ZNF816: variants seen among roughly 807,000 people sequenced by gnomAD.
ZNF816 encodes the protein zinc finger protein 816.
A neutral mutation model predicts 8.3 loss-of-function variants in ZNF816; 11 were observed. The observed-to-expected ratio is 1.32, with a 90% CI of 0.83 to 2.19. The LOEUF is 2.19. Ranked by LOEUF, ZNF816 falls within the 30% of genes most tolerant of loss-of-function variation. The probability of loss-of-function intolerance (pLI) is 0.00; values close to 1 mark genes in which losing one functional copy is unlikely to be tolerated. For missense variants in ZNF816, 710 were observed against 779.3 expected, an observed-to-expected ratio of 0.91 and a Z score of 1.06; for synonymous variants, 255 against 254.5, an observed-to-expected ratio of 1.00 and a Z score of -0.02.
chr19:52,956,214 C>T, intron 1 of ZNF816, 110 bp from the exon 2 acceptor site: 1 of 1,203,474 alleles, frequency 8.3e-7, no homozygotes, highest in Non-Finnish European at 1.2e-6. Flanking sequence ...TGGTCCTTTG[C>T]TACCCACTGC....
Position 52,950,907 on chromosome 19 carries a change from A to G in ZNF816, c.868T>C (p.Cys290Arg). ...TGEKTYKCNE[C>R]GKTFTQMSSL... ...GACATCTGAGTGAAGGTCTTCCCACACTCATTACACTTGTAAGTTTTCTCA... is the reference window on the plus strand; with the variant it reads ...GACATCTGAGTGAAGGTCTTCCCACGCTCATTACACTTGTAAGTTTTCTCA... The change falls in exon 4 of 4, where the codon TGT becomes CGT. Residue 290 changes from cysteine to arginine, a missense_variant. Physicochemically the swap from Cys to Arg is radical, Grantham distance 180. Transcript: ENST00000444460. The G allele has an allele frequency of 6.2e-7, 1 of 1,614,172 alleles. No individual in the cohort carries two copies. The highest frequency in any genetic ancestry group is 8.5e-7 in the Non-Finnish European group (1 of 1,180,018).
intron 3 of ZNF816, 128 bp downstream of exon 3, chr19:52,952,623 C>G: frequency 6.5e-7 from 1 of 1,534,364 alleles, no homozygotes; most frequent in Non-Finnish European, 8.7e-7. Context: ...AGGGTCATCA[C>G]CGCAGAAAAC....
At position 52,957,673 on chromosome 19, in the gene ZNF816, A is replaced by G. The variant is rs553036773; in HGVS notation, c.-15-1569T>C. Among the ~76,000 whole-genome samples, 3 of 152,298 alleles carry G rather than the reference A, an allele frequency of 2.0e-5. No individual in the cohort carries two copies. The East Asian group carries it at 5.8e-4, about 29-fold the overall frequency. On this transcript the variant is annotated intron_variant, in intron 1 of 3. Coordinates refer to ENST00000444460, the MANE Select transcript of ZNF816 (RefSeq NM_001202457.3). This position sits in a 1 kb window ranked among gnomAD's most constrained non-coding sequence, Gnocchi z 4.6. ...GGTTGCCCCCCTTTCCAAAAAGACT[A>G]TTGTTATAATCGGAGCCATGGGAGT...
Position 52,949,759 on chromosome 19 carries a change from A to G in ZNF816, c.*60T>C, listed in dbSNP as rs115122274. The stretch of plus-strand genomic sequence containing the variant: ...TATTACACTTGTAGATCTCTCTTCA[A>G]TATGGATTCTGTAATGATTTGCAAT... On this transcript the variant is annotated 3_prime_UTR_variant, in exon 4 of 4. Coordinates refer to ENST00000444460, the MANE Select transcript of ZNF816 (RefSeq NM_001202457.3). 1.5e-4 allele frequency: 246 copies of G among 1,609,538 alleles called. No homozygotes were observed. The African/African-American group carries it at 2.7e-3, about 18-fold the overall frequency.
intron 1 of ZNF816, among the ~76,000 whole-genome samples, chr19:52,962,190 T>C (rs898874260): frequency 6.6e-6 from 1 of 152,012 alleles, no homozygotes; most frequent in Non-Finnish European, 1.5e-5. Flanking sequence ...ACAGAGACTA[T>C]ACTATACTAT....
chr19:52,953,237 C>CAAAA, intron 2 of ZNF816: 8 of 224,938 alleles, frequency 3.6e-5, no homozygotes, highest in East Asian at 1.6e-4. Context: ...ACTAAAAATA[C>CAAAA]AAAAAAAAAA....
intron 1 of ZNF816, among the ~76,000 whole-genome samples, chr19:52,958,942 T>C (rs940951020): frequency 6.6e-6 from 1 of 152,192 alleles, no homozygotes; most frequent in Non-Finnish European, 1.5e-5. Context: ...AAGAAAATCT[T>C]ATGTCAGCCC....
chr19:52,957,331 C>T lies in ZNF816; in HGVS notation c.-15-1227G>A, dbSNP rs2083518853. Among the ~76,000 whole-genome samples, 1 of 152,136 alleles carries T rather than the reference C, an allele frequency of 6.6e-6. No homozygotes were observed. The highest frequency in any genetic ancestry group is 1.5e-5 in the Non-Finnish European group (1 of 68,036). On this transcript the variant is annotated intron_variant, in intron 1 of 3. Transcript: ENST00000444460. This position sits in a 1 kb window ranked among gnomAD's most constrained non-coding sequence, Gnocchi z 4.6. ...CCAGCCAGCTTGGGCGACATGGATT[C>T]TGAGAGTGCTACCAGGTAGGCATGT... is the stretch of plus-strand genomic sequence containing the variant.
At chr19:52,954,313 T>C (rs1020319357) in intron 2 of ZNF816, among the ~76,000 whole-genome samples, 11 of 152,044 alleles carry the variant, frequency 7.2e-5, no homozygotes, top group African/African-American at 2.4e-4. Context: ...TGAGCCGATA[T>C]CGTGCCACTG....
rs151051651 is a variant in ZNF816 at position 52,961,294 on chromosome 19, C to T, written c.-16+1433G>A. Among the ~76,000 whole-genome samples the T allele has an allele frequency of 1.3e-3, 196 of 152,230 alleles. 1 individual carries two copies. The highest frequency in any genetic ancestry group is 4.4e-3 in the African/African-American group (181 of 41,534). On this transcript the variant is annotated intron_variant, in intron 1 of 3. Transcript: ENST00000444460. ...ACTAGAACAGAAGAAAAAAGAATCC[C>T]CAAACAAGAAACTTTAAATTTGATG...
intron 1 of ZNF816, among the ~76,000 whole-genome samples, chr19:52,958,464 A>G (rs1042876935): frequency 6.6e-6 from 1 of 151,948 alleles, no homozygotes; most frequent in Non-Finnish European, 1.5e-5. Context: ...GGGTTCAAGA[A>G]CTCCCCCACC....
chr19:52,954,825 A>AC (rs1238587377), intron 2 of ZNF816, among the ~76,000 whole-genome samples: 1 of 151,788 alleles, frequency 6.6e-6, no homozygotes, highest in Non-Finnish European at 1.5e-5. Flanking sequence ...AAAAAAAAAA[A>AC]AAAAAACCCC....
chr19:52,960,926 A>C (rs978263149), intron 1 of ZNF816, among the ~76,000 whole-genome samples: 3 of 152,228 alleles, frequency 2.0e-5, no homozygotes, highest in African/African-American at 7.2e-5. Flanking sequence ...CGCACAGTGG[A>C]AGCATGAGGA....
At position 52,957,281 on chromosome 19, in the gene ZNF816, C is replaced by T. The variant is rs187216641; in HGVS notation, c.-15-1177G>A. 1.1e-3 allele frequency among the ~76,000 whole-genome samples: 160 copies of T among 152,284 alleles called. No individual in the cohort carries two copies. The highest frequency in any genetic ancestry group is 0.01 in the Middle Eastern group (3 of 294). On this transcript the variant is annotated intron_variant, in intron 1 of 3. Coordinates refer to ENST00000444460, the MANE Select transcript of ZNF816 (RefSeq NM_001202457.3). The surrounding 1 kb of genome is among the most constrained non-coding windows in gnomAD (Gnocchi z 4.6). ...ACCCCTTAGGTGACTTAGGCCTGCC[C>T]TTTGGAGCATCCCTGCTGGGTACTC...
At chr19:52,952,727 T>C (rs748295895) in intron 3 of ZNF816, 24 bp downstream of exon 3, 2 of 1,613,426 alleles carry the variant, frequency 1.2e-6, no homozygotes, top group Non-Finnish European at 1.7e-6. Context: ...AGATTCCTCA[T>C]GTCTGGAGGG....
Position 52,956,028 on chromosome 19 carries a change from T to C in ZNF816, c.62A>G (p.Gln21Arg), listed in dbSNP as rs186985953. The part of the protein sequence containing the change: ...KEKEPGMALP[Q>R]GRLTFRDVAI... ...AATCCACCAAGGAATATCACTTACC[T>C]GAGGAAGAGCCATCCCTGGCTCCTT... Residue 21 changes from glutamine to arginine, a missense_variant and splice_region_variant, in exon 2 of 4, where the codon CAG becomes CGG. Physicochemically the swap from Gln to Arg is conservative, Grantham distance 43. Coordinates refer to ENST00000444460, the MANE Select transcript of ZNF816 (RefSeq NM_001202457.3). 1.9e-6 allele frequency: 3 copies of C among 1,609,544 alleles called. No homozygotes were observed. The highest frequency in any genetic ancestry group is 3.4e-5 in the Admixed American group (2 of 58,304).
At chr19:52,951,781 C>T (rs1021962470) in intron 3 of ZNF816, 197 bp from the exon 4 acceptor site, 11 of 552,070 alleles carry the variant, frequency 2.0e-5, no homozygotes, top group African/African-American at 2.0e-4. Flanking sequence ...GCCTGTAATC[C>T]CAGCTACTCA....
chr19:52,953,493 T>A (rs1414950165), intron 2 of ZNF816: 11 of 109,714 alleles, frequency 1.0e-4, no homozygotes, highest in African/African-American at 5.5e-4. Flanking sequence ...ATAATATATA[T>A]TTTAATATTT....
intron 1 of ZNF816, 89 bp from the exon 2 acceptor site, chr19:52,956,193 C>A: frequency 7.0e-7 from 1 of 1,431,802 alleles, no homozygotes; most frequent in South Asian, 1.4e-5. Context: ...AAACCTCACC[C>A]GAGAGAAAGA....
Sources: gnomAD v4.1 joint callset for allele counts (sites outside exome capture counted in the v4.1 genomes callset) on GRCh38, gnomAD v4.1.1 for gene constraint, Gnocchi (gnomAD v3.1) non-coding constraint, MANE v1.5 for transcripts, NCBI Gene and HGNC (gene_info 2026-07-23, HGNC 2026-07-21) for gene names.